Variants in IRAG1 observed in about 807,000 individuals in gnomAD.
IRAG1 encodes the protein inositol 1,4,5-triphosphate receptor associated 1, also known as IP3R-associated cGMP kinase substrate.
Under a neutral mutation model 106.2 loss-of-function variants are expected in IRAG1, and 62 were observed. The observed-to-expected ratio is 0.58, with a 90% confidence interval of 0.48 to 0.72. The LOEUF (loss-of-function observed/expected upper bound fraction) is 0.72. Ranked by LOEUF, IRAG1 falls within the 30% of genes least tolerant of loss-of-function variation. IRAG1 has a pLI of 0.00. For missense variants in IRAG1, 1,064 were observed against 1,140.7 expected, an observed-to-expected ratio of 0.93 and a Z score of 0.97; for synonymous variants, 462 against 443.9, an observed-to-expected ratio of 1.04 and a Z score of -0.51.
At chr11:10,624,906 C>T (rs1856119105) in intron 9 of IRAG1, among the ~76,000 whole-genome samples, 1 of 152,140 alleles carries the variant, frequency 6.6e-6, no homozygotes, top group Non-Finnish European at 1.5e-5. Context: ...GCTATCGGCC[C>T]CTTGGCTCCA....
At chr11:10,654,186 A>C (rs1858742529) in intron 1 of IRAG1, among the ~76,000 whole-genome samples, 1 of 151,992 alleles carries the variant, frequency 6.6e-6, no homozygotes, top group Non-Finnish European at 1.5e-5. Context: ...CCCTAGAGTC[A>C]GGGCACTGGA....
At chr11:10,607,845 G>C (rs1854608684) in intron 11 of IRAG1, among the ~76,000 whole-genome samples, 3 of 152,156 alleles carry the variant, frequency 2.0e-5, no homozygotes, top group Non-Finnish European at 4.4e-5. Flanking sequence ...GCGGAGTCCA[G>C]AACACGGGAC....
intron 2 of IRAG1, among the ~76,000 whole-genome samples, chr11:10,648,986 AT>A (rs567345497): frequency 1.1e-3 from 169 of 152,250 alleles, no homozygotes; most frequent in African/African-American, 4.0e-3. Flanking sequence ...ACTTAGAAGG[AT>A]GCTCTGTTCT....
intron 2 of IRAG1, among the ~76,000 whole-genome samples, chr11:10,644,808 C>T (rs1016048511): frequency 3.3e-5 from 5 of 152,160 alleles, no homozygotes; most frequent in Non-Finnish European, 5.9e-5. Flanking sequence ...TTTCTCTAGT[C>T]GGGCAGCACA....
At chr11:10,639,122 AT>A (rs1857336738) in intron 2 of IRAG1, among the ~76,000 whole-genome samples, 1 of 152,038 alleles carries the variant, frequency 6.6e-6, no homozygotes, top group Non-Finnish European at 1.5e-5. Flanking sequence ...GTTTCACCAC[AT>A]TGGTCAGGCT....
At chr11:10,690,488 T>C in intron 1 of IRAG1, 1 of 1,215,358 alleles carries the variant, frequency 8.2e-7, no homozygotes, top group Non-Finnish European at 1.0e-6. Context: ...GAGTTACCTC[T>C]GCTAAGACTC....
intron 1 of IRAG1, among the ~76,000 whole-genome samples, chr11:10,656,551 C>T (rs1267877131): frequency 6.6e-6 from 1 of 152,230 alleles, no homozygotes; most frequent in Admixed American, 6.5e-5. Context: ...AGAAAACAAA[C>T]TAATATGCTT....
intron 1 of IRAG1, among the ~76,000 whole-genome samples, chr11:10,684,859 T>C (rs558294075): frequency 9.2e-5 from 14 of 152,310 alleles, no homozygotes; most frequent in African/African-American, 3.4e-4. Flanking sequence ...CTGCAATTTC[T>C]TGTGTGCTGG....
intron 13 of IRAG1, 76 bp from the exon 14 acceptor site, chr11:10,603,327 GGCCTCA>G: frequency 6.5e-7 from 1 of 1,542,492 alleles, no homozygotes; most frequent in Non-Finnish European, 8.8e-7. Flanking sequence ...CAACCTTTTC[GGCCTCA>G]GGGACTGGTT....
intron 1 of IRAG1, among the ~76,000 whole-genome samples, chr11:10,691,557 CATG>C (rs992507739): frequency 5.3e-5 from 8 of 152,194 alleles, no homozygotes; most frequent in African/African-American, 1.9e-4. Context: ...GTAGGTTTCA[CATG>C]GCCCTAACTT....
In IRAG1 at chr11:10,631,983, G is replaced by A. The variant is rs778518552; in HGVS notation, c.400+8C>T. ...ACTCAACATGCCTTAGATTGCCCTG[G>A]TCCTTACCCACAGATGTCAGGGAGG... On this transcript the variant is annotated splice_region_variant and intron_variant, in intron 4 of 20. Coordinates refer to ENST00000423302, the MANE Select transcript of IRAG1 (RefSeq NM_130385.4). 6 of 1,612,950 alleles carry A rather than the reference G, an allele frequency of 3.7e-6. No homozygotes were observed. Among genetic ancestry groups the A allele is most frequent in the African/African-American group, 1.3e-5 (1 of 74,990 alleles).
intron 18 of IRAG1, among the ~76,000 whole-genome samples, chr11:10,590,111 T>C (rs749629487): frequency 2.6e-5 from 4 of 152,152 alleles, no homozygotes; most frequent in Non-Finnish European, 5.9e-5. Context: ...AGAATTTTAG[T>C]GGGTTTCTCA....
chr11:10,625,864 G>C, intron 9 of IRAG1, 102 bp downstream of exon 9: 1 of 1,212,554 alleles, frequency 8.2e-7, no homozygotes, highest in Non-Finnish European at 1.1e-6. Flanking sequence ...CCAAGTCCAG[G>C]CCAGAGCTGC....
intron 1 of IRAG1, chr11:10,687,643 C>A: frequency 8.0e-7 from 1 of 1,257,722 alleles, no homozygotes; most frequent in South Asian, 1.3e-5. Flanking sequence ...AAGACTTCAC[C>A]AGACACAGAT....
chr11:10,664,986 T>A (rs1298298956), intron 1 of IRAG1, among the ~76,000 whole-genome samples: 1 of 152,212 alleles, frequency 6.6e-6, no homozygotes, highest in Non-Finnish European at 1.5e-5. Context: ...TACCCCTTTT[T>A]TCTTAAGCTG....
intron 1 of IRAG1, among the ~76,000 whole-genome samples, chr11:10,660,051 T>G (rs1859271513): frequency 6.6e-6 from 1 of 152,230 alleles, no homozygotes; most frequent in Non-Finnish European, 1.5e-5. Flanking sequence ...GGCTTGGCTC[T>G]GCCTCCCCAC....
At chr11:10,629,249 C>T (rs563445656) in intron 5 of IRAG1, among the ~76,000 whole-genome samples, 7 of 152,272 alleles carry the variant, frequency 4.6e-5, no homozygotes, top group Non-Finnish European at 8.8e-5. Flanking sequence ...AAAAGTGACT[C>T]TAGCATAGAG....
At chr11:10,596,748 CT>C (rs1212693755) in intron 15 of IRAG1, among the ~76,000 whole-genome samples, 1 of 152,168 alleles carries the variant, frequency 6.6e-6, no homozygotes, top group Admixed American at 6.5e-5. Context: ...TTCAAGTTAA[CT>C]AATTTTTCTT....
intron 2 of IRAG1, among the ~76,000 whole-genome samples, chr11:10,643,570 C>T (rs1857707581): frequency 6.6e-6 from 1 of 152,338 alleles, no homozygotes; most frequent in East Asian, 1.9e-4. Context: ...CTCAGCTAGT[C>T]GTTCATCCGT....
Sources: gnomAD v4.1 joint callset for allele counts (sites outside exome capture counted in the v4.1 genomes callset) on GRCh38, gnomAD v4.1.1 for gene constraint, MANE v1.5 for transcripts, NCBI Gene and HGNC (gene_info 2026-07-23, HGNC 2026-07-21) for gene names.